Variants in CDH9 observed in about 807,000 individuals in gnomAD.
CDH9 encodes cadherin 9.
In CDH9, 28 loss-of-function variants were observed where a neutral mutation model predicts 70.9. That is an observed-to-expected ratio of 0.40 (90% CI 0.29 to 0.54). CDH9 has a LOEUF of 0.54. Ranked by LOEUF, CDH9 falls within the 20% of genes least tolerant of loss-of-function variation. The pLI is 0.59. For synonymous variants in CDH9, 409 were observed against 343.1 expected (o/e 1.19, Z -2.12); for missense variants, 874 against 984.4 (o/e 0.89, Z 1.50).
chr5:26,994,230 T>C (rs753529302), intron 1 of CDH9, among the ~76,000 whole-genome samples: 1 of 152,112 alleles, frequency 6.6e-6, no homozygotes, highest in East Asian at 1.9e-4. Flanking sequence ...TTGAACTTCA[T>C]AGAGTTGATG....
chr5:26,973,098 G>A (rs770116688), intron 2 of CDH9, among the ~76,000 whole-genome samples: 10 of 151,968 alleles, frequency 6.6e-5, no homozygotes, highest in Non-Finnish European at 1.3e-4. Context: ...TCCTGACCTC[G>A]TGATCTGCCC....
chr5:26,911,351 TA>T, intron 3 of CDH9, among the ~76,000 whole-genome samples: 2 of 152,006 alleles, frequency 1.3e-5, no homozygotes, highest in African/African-American at 4.8e-5. Context: ...CCAAACGGCC[TA>T]TCTCTCTGGT....
intron 2 of CDH9, among the ~76,000 whole-genome samples, chr5:26,978,203 A>G (rs1406092001): frequency 1.3e-5 from 2 of 152,026 alleles, no homozygotes; most frequent in African/African-American, 4.8e-5. Context: ...GAATAGAAAT[A>G]GACTTAAAGA....
chr5:26,896,768 C>A (rs1740758963), intron 7 of CDH9, among the ~76,000 whole-genome samples: 1 of 151,620 alleles, frequency 6.6e-6, no homozygotes, highest in Non-Finnish European at 1.5e-5. Context: ...ACTGGAGAAG[C>A]AAGAGCAAGC....
intron 7 of CDH9, 108 bp from the exon 8 acceptor site, chr5:26,890,672 T>G: frequency 2.7e-6 from 2 of 746,064 alleles, no homozygotes; most frequent in Non-Finnish European, 4.5e-6. Flanking sequence ...AGACATGAAA[T>G]GCAAAATGCT....
At position 26,889,304 on chromosome 5, in the gene CDH9, A is replaced by T. The variant is rs543566233; in HGVS notation, c.1512+532T>A. On this transcript the variant is annotated intron_variant, in intron 9 of 11. Coordinates refer to ENST00000231021, the MANE Select transcript of CDH9 (RefSeq NM_016279.4). ...ATACATTTGAAAGAATTACTTTGTA[A>T]GAAGACTTCATAATTCTTTTACAAA... 3.9e-5 allele frequency among the ~76,000 whole-genome samples: 6 copies of T among 152,226 alleles called. No homozygotes were observed. In the South Asian group the frequency reaches 1.2e-3, roughly 32 times the overall value.
At chr5:27,018,423 A>C (rs1176913917) in intron 1 of CDH9, among the ~76,000 whole-genome samples, 1 of 151,880 alleles carries the variant, frequency 6.6e-6, no homozygotes, top group East Asian at 1.9e-4. Flanking sequence ...AATTGAAGAC[A>C]AAATATTATT....
intron 2 of CDH9, among the ~76,000 whole-genome samples, chr5:26,925,516 G>C (rs369722415): frequency 2.0e-5 from 3 of 152,154 alleles, no homozygotes. Context: ...TCACTCTCAT[G>C]GTAGTTTCTT....
intron 5 of CDH9, among the ~76,000 whole-genome samples, chr5:26,904,419 A>T (rs548060811): frequency 2.0e-5 from 3 of 152,148 alleles, no homozygotes; most frequent in African/African-American, 7.2e-5. Context: ...TTCAAGAGAC[A>T]ATAGAAAAAA....
At chr5:26,945,970 G>A (rs1223456040) in intron 2 of CDH9, among the ~76,000 whole-genome samples, 1 of 152,084 alleles carries the variant, frequency 6.6e-6, no homozygotes, top group African/African-American at 2.4e-5. Flanking sequence ...AACAAACTAA[G>A]AGAAAATGAA....
chr5:26,986,623 T>A (rs546171927), intron 2 of CDH9, among the ~76,000 whole-genome samples: 2 of 152,124 alleles, frequency 1.3e-5, no homozygotes, highest in South Asian at 4.1e-4. Flanking sequence ...GCTATTCTTC[T>A]GTATCTGTGA....
intron 1 of CDH9, among the ~76,000 whole-genome samples, chr5:27,014,107 G>A (rs1216108234): frequency 6.6e-6 from 1 of 151,888 alleles, no homozygotes; most frequent in African/African-American, 2.4e-5. Flanking sequence ...TCTCAAATAT[G>A]ACCAGATATC....
chr5:27,007,733 G>A (rs77302249), intron 1 of CDH9, among the ~76,000 whole-genome samples: 4,516 of 151,978 alleles, frequency 0.03, 221 homozygotes, highest in African/African-American at 0.1. Context: ...AAATCAAGCA[G>A]CAGGTCTAAT....
At chr5:26,927,428 T>C (rs1741362181) in intron 2 of CDH9, among the ~76,000 whole-genome samples, 1 of 151,996 alleles carries the variant, frequency 6.6e-6, no homozygotes, top group Non-Finnish European at 1.5e-5. Context: ...TGGCATCCAA[T>C]GCGGATGCCA....
At chr5:26,937,366 T>C (rs567373366) in intron 2 of CDH9, among the ~76,000 whole-genome samples, 1 of 152,244 alleles carries the variant, frequency 6.6e-6, no homozygotes, top group African/African-American at 2.4e-5. Context: ...ACTGACAACA[T>C]TAAATGCCAG....
intron 2 of CDH9, among the ~76,000 whole-genome samples, chr5:26,968,583 T>A (rs1047259841): frequency 6.6e-6 from 1 of 152,076 alleles, no homozygotes; most frequent in Admixed American, 6.6e-5. Context: ...TGAATAGTTA[T>A]TATCTCAAGT....
At chr5:26,903,921 G>A in intron 5 of CDH9, 97 bp from the exon 6 acceptor site, 1 of 640,242 alleles carries the variant, frequency 1.6e-6, no homozygotes, top group Non-Finnish European at 2.7e-6. Context: ...ATTTTAAATA[G>A]GGAGAGTTTT....
Position 27,024,587 on chromosome 5 carries a change from A to C in CDH9, c.-50+13876T>G, listed in dbSNP as rs116477796. On this transcript the variant is annotated intron_variant, in intron 1 of 11. Transcript: ENST00000231021. ...TATTAGAAACTGACAGTTTGAGTAT[A>C]TATTTGAGTGAATGTAATAATAATA... Among the ~76,000 whole-genome samples, 466 of 152,242 alleles carry C rather than the reference A, an allele frequency of 3.1e-3. 3 individuals are homozygous for C. Among genetic ancestry groups the C allele is most frequent in the African/African-American group, 0.011 (446 of 41,572 alleles).
chr5:27,017,052 ATTC>A (rs1743057783), intron 1 of CDH9, among the ~76,000 whole-genome samples: 1 of 151,798 alleles, frequency 6.6e-6, no homozygotes, highest in African/African-American at 2.4e-5. Context: ...TCTTCTTTCT[ATTC>A]TTTCTATGTG....
Sources: gnomAD v4.1 joint callset for allele counts (sites outside exome capture counted in the v4.1 genomes callset) on GRCh38, gnomAD v4.1.1 for gene constraint, MANE v1.5 for transcripts, NCBI Gene and HGNC (gene_info 2026-07-23, HGNC 2026-07-21) for gene names.